Variants in SLC36A2 observed in about 807,000 individuals in gnomAD.
SLC36A2 encodes the protein solute carrier family 36 member 2.
In SLC36A2, 39 loss-of-function variants were observed where a neutral mutation model predicts 42.7. That is an observed-to-expected ratio of 0.91 (90% CI 0.71 to 1.19). The LOEUF (loss-of-function observed/expected upper bound fraction) is 1.19. SLC36A2 is among the 50% of genes most tolerant of loss of function. The pLI is 0.00. For synonymous variants in SLC36A2, 237 were observed against 240.8 expected (o/e 0.98, Z 0.15); for missense variants, 590 against 613.7 (o/e 0.96, Z 0.41).
Position 151,336,459 on chromosome 5 carries a change from C to CTT in SLC36A2, c.526-914_526-913dup, listed in dbSNP as rs769643262. ...TATTTTCTGCTTAAATTCCCTCAAT[C>CTT]TTTTTTTTTTTTTTTTTTTTTGCGT... On this transcript the variant is annotated intron_variant, in intron 5 of 9. Coordinates refer to ENST00000335244, the MANE Select transcript of SLC36A2 (RefSeq NM_181776.3). Among the ~76,000 whole-genome samples the CTT allele has an allele frequency of 9.2e-4, 104 of 113,158 alleles. 1 individual carries two copies. The highest frequency in any genetic ancestry group is 1.9e-3 in the African/African-American group (58 of 31,324). 74.2% of individuals were successfully genotyped at this position (113,158 alleles called of 152,430 possible).
intron 7 of SLC36A2, among the ~76,000 whole-genome samples, chr5:151,332,723 A>T (rs1235109438): frequency 2.0e-5 from 3 of 152,238 alleles, no homozygotes; most frequent in African/African-American, 7.2e-5. Context: ...TGGTGCATTT[A>T]TTCCTCTACA....
chr5:151,329,150 C>G lies in SLC36A2; in HGVS notation c.844-3698G>C, dbSNP rs147000073. Among the ~76,000 whole-genome samples, 1,337 of 152,326 alleles carry G rather than the reference C, an allele frequency of 8.8e-3. 17 individuals are homozygous for G. The highest frequency in any genetic ancestry group is 0.024 in the Middle Eastern group (7 of 294). On this transcript the variant is annotated intron_variant, in intron 7 of 9. Coordinates refer to ENST00000335244, the MANE Select transcript of SLC36A2 (RefSeq NM_181776.3). ...GTGGAACTGATGGGAAGCATCAAAG[C>G]AAAGGCTTTGAAAACTGAACTACTG...
chr5:151,334,739 T>G (rs1172713240), intron 6 of SLC36A2, among the ~76,000 whole-genome samples: 1 of 151,980 alleles, frequency 6.6e-6, no homozygotes, highest in Admixed American at 6.6e-5. Flanking sequence ...TTAGAAAGGA[T>G]AGCAAATTAG....
At chr5:151,334,261 T>C (rs1304600554) in intron 6 of SLC36A2, among the ~76,000 whole-genome samples, 1 of 152,260 alleles carries the variant, frequency 6.6e-6, no homozygotes, top group Non-Finnish European at 1.5e-5. Context: ...TGTTTGACTA[T>C]TATTTTTACT....
chr5:151,335,639 C>A, intron 5 of SLC36A2, 92 bp from the exon 6 acceptor site: 1 of 928,476 alleles, frequency 1.1e-6, no homozygotes, highest in Non-Finnish European at 1.8e-6. Flanking sequence ...CAAATTCCCT[C>A]ACAGTGAATG....
chr5:151,335,512 G>A lies in SLC36A2; in HGVS notation c.561C>T (p.Cys187=). 2 of 1,614,096 alleles carry A rather than the reference G, an allele frequency of 1.2e-6. No individual in the cohort carries two copies. Among genetic ancestry groups the A allele is most frequent in the Admixed American group, 1.7e-5 (1 of 60,018 alleles). ...TCAGAATCACCGTCTCATTGGAATAGCAGTTGTTGGTTGTGCTATTAACAG... is the reference window on the plus strand; with the variant it reads ...TCAGAATCACCGTCTCATTGGAATAACAGTTGTTGGTTGTGCTATTAACAG... ...VEAVNSTTNN[C]YSNETVILTP... The change falls in exon 6 of 10, where the codon TGC becomes TGT. Residue 187 remains cysteine, a synonymous_variant. Coordinates refer to ENST00000335244, the MANE Select transcript of SLC36A2 (RefSeq NM_181776.3).
intron 7 of SLC36A2, among the ~76,000 whole-genome samples, chr5:151,330,128 A>C (rs1311854158): frequency 6.6e-6 from 1 of 152,216 alleles, no homozygotes; most frequent in East Asian, 1.9e-4. Context: ...ATGGAGAAGA[A>C]AAAGAGATTG....
intron 6 of SLC36A2, among the ~76,000 whole-genome samples, chr5:151,334,903 T>C (rs1042617951): frequency 3.9e-5 from 6 of 152,168 alleles, no homozygotes; most frequent in Non-Finnish European, 8.8e-5. Context: ...TCTCTGTGAC[T>C]AAATATTAGA....
chr5:151,325,463 A>C lies in SLC36A2; in HGVS notation c.844-11T>G. The C allele has an allele frequency of 6.2e-7, 1 of 1,613,928 alleles. No homozygotes were observed. ...TTCCAGAGGCAGAACCTACAGAAAC[A>C]TCACAATGTAAGAAGGAGAAAGAGT... On this transcript the variant is annotated splice_polypyrimidine_tract_variant and intron_variant, in intron 7 of 9. Transcript: ENST00000335244.
intron 7 of SLC36A2, among the ~76,000 whole-genome samples, chr5:151,326,177 G>T (rs897254233): frequency 2.6e-5 from 4 of 152,162 alleles, no homozygotes; most frequent in African/African-American, 9.7e-5. Context: ...GTTTTATCCA[G>T]ACCAAAGATC....
At chr5:151,327,974 A>G (rs190877412) in intron 7 of SLC36A2, among the ~76,000 whole-genome samples, 1 of 152,206 alleles carries the variant, frequency 6.6e-6, no homozygotes, top group Non-Finnish European at 1.5e-5. Context: ...AGATAATTTC[A>G]ACTAATACTA....
Position 151,325,269 on chromosome 5 carries a change from A to ACAG in SLC36A2, c.1010+14_1010+16dup, listed in dbSNP as rs757670435. The ACAG allele has an allele frequency of 2.5e-6, 4 of 1,611,960 alleles. No homozygotes were observed. The African/African-American group carries it at 4.0e-5, about 16-fold the overall frequency. On this transcript the variant is annotated intron_variant, in intron 8 of 9. Transcript: ENST00000335244. ...CCCATTCCTGAGTCCCCACCACCTG[A>ACAG]CAGCCCATGAAGATACCAGCAGTTA...
intron 5 of SLC36A2, among the ~76,000 whole-genome samples, chr5:151,335,961 C>G (rs1421173705): frequency 1.3e-5 from 2 of 151,684 alleles, no homozygotes; most frequent in Admixed American, 6.6e-5. Context: ...CAAGATCATG[C>G]CACCACACTC....
intron 7 of SLC36A2, among the ~76,000 whole-genome samples, chr5:151,329,028 C>T (rs978105371): frequency 3.3e-4 from 50 of 152,264 alleles, no homozygotes; most frequent in African/African-American, 1.1e-3. Flanking sequence ...TGCGAGCTGG[C>T]GAGTGTGCGG....
At chr5:151,328,017 ATACT>A (rs1483833929) in intron 7 of SLC36A2, among the ~76,000 whole-genome samples, 1 of 152,246 alleles carries the variant, frequency 6.6e-6, no homozygotes, top group African/African-American at 2.4e-5. Context: ...CATTCAAGAA[ATACT>A]TACTGAACAA....
chr5:151,337,328 C>A (rs971130642), intron 5 of SLC36A2, among the ~76,000 whole-genome samples: 1 of 152,190 alleles, frequency 6.6e-6, no homozygotes, highest in Non-Finnish European at 1.5e-5. Context: ...GATGCACCAC[C>A]CCCCGGAGGA....
chr5:151,336,007 A>C (rs1051579832), intron 5 of SLC36A2, among the ~76,000 whole-genome samples: 37 of 147,608 alleles, frequency 2.5e-4, no homozygotes, highest in Admixed American at 4.7e-4. Context: ...TGTATCCACA[A>C]AAAAAAAAAA....
Position 151,347,436 on chromosome 5 carries a change from C to T in SLC36A2, c.25G>A (p.Gly9Ser), listed in dbSNP as rs1756529844. The change falls in exon 1 of 10, where the codon GGT becomes AGT. Residue 9 changes from glycine to serine, a missense_variant. Coordinates refer to ENST00000335244, the MANE Select transcript of SLC36A2 (RefSeq NM_181776.3). ...TTGATGGCAACGGCTCCCTGGGGAC[C>T]CTCAGTACTTTTTGTCACAGACATG... MSVTKSTEGPQGAVAIKLD... is the reference protein window; with the variant it reads MSVTKSTESPQGAVAIKLD... 3.1e-6 allele frequency: 5 copies of T among 1,614,104 alleles called. No homozygotes were observed. Among genetic ancestry groups the T allele is most frequent in the Admixed American group, 1.7e-5 (1 of 60,020 alleles).
intron 4 of SLC36A2, among the ~76,000 whole-genome samples, chr5:151,340,055 A>T (rs550671493): frequency 1.1e-3 from 170 of 152,008 alleles, no homozygotes; most frequent in African/African-American, 3.9e-3. Flanking sequence ...AGGGAGGGAC[A>T]AAGAGAGAGA....
Sources: allele counts gnomAD v4.1 joint callset (sites outside exome capture counted in the v4.1 genomes callset), GRCh38; gene constraint gnomAD v4.1.1; transcripts MANE v1.5; gene names NCBI Gene and HGNC (gene_info 2026-07-23, HGNC 2026-07-21).